FOXN3: variants seen among roughly 807,000 people sequenced by gnomAD.
FOXN3 encodes forkhead box protein N3.
Under a neutral mutation model 38.4 loss-of-function variants are expected in FOXN3, and 7 were observed. That is an observed-to-expected ratio of 0.18 (90% CI 0.10 to 0.34). The LOEUF (loss-of-function observed/expected upper bound fraction) is 0.34. Among genes scored for constraint, FOXN3 ranks in the 10% least tolerant of loss-of-function variants. The probability of loss-of-function intolerance (pLI) is 1.00; values close to 1 mark genes in which losing one functional copy is unlikely to be tolerated. For synonymous variants in FOXN3, 230 were observed against 242.2 expected (o/e 0.95, Z 0.47); for missense variants, 456 against 613.4 (o/e 0.74, Z 2.71).
chr14:89,611,962 T>TC (rs1465080163), intron 1 of FOXN3, among the ~76,000 whole-genome samples: 1 of 151,992 alleles, frequency 6.6e-6, no homozygotes, highest in African/African-American at 2.4e-5. Flanking sequence ...TGCTTTTTCT[T>TC]CCCCCCGAAG....
intron 3 of FOXN3, among the ~76,000 whole-genome samples, chr14:89,281,493 C>A (rs1423784346): frequency 6.6e-6 from 1 of 152,118 alleles, no homozygotes; most frequent in African/African-American, 2.4e-5. Flanking sequence ...ATGGAGATGA[C>A]CTTAATCGAT....
intron 2 of FOXN3, among the ~76,000 whole-genome samples, chr14:89,396,379 G>A (rs1262521406): frequency 2.0e-5 from 3 of 152,196 alleles, no homozygotes; most frequent in Non-Finnish European, 4.4e-5. Context: ...AAGGCTTTCG[G>A]CACAGATCTG....
chr14:89,506,043 G>A (rs1893920444), intron 1 of FOXN3, among the ~76,000 whole-genome samples: 1 of 145,748 alleles, frequency 6.9e-6, no homozygotes, highest in Non-Finnish European at 1.5e-5. Flanking sequence ...CCCCCGGCCC[G>A]GCCAGCCGCC....
At chr14:89,262,195 G>A (rs551756355) in intron 4 of FOXN3, among the ~76,000 whole-genome samples, 2 of 152,328 alleles carry the variant, frequency 1.3e-5, no homozygotes, top group South Asian at 4.1e-4. Flanking sequence ...CTGAGAAGGG[G>A]CAGGTTTTAC....
intron 1 of FOXN3, among the ~76,000 whole-genome samples, chr14:89,551,411 C>G (rs1045760646): frequency 1.3e-5 from 2 of 151,558 alleles, no homozygotes; most frequent in African/African-American, 4.9e-5. Flanking sequence ...CAACCCGTCC[C>G]TGGTCCAACC....
At chr14:89,350,127 CA>C (rs1194735932) in intron 3 of FOXN3, among the ~76,000 whole-genome samples, 1 of 152,154 alleles carries the variant, frequency 6.6e-6, no homozygotes, top group African/African-American at 2.4e-5. Flanking sequence ...CTTACTGTCT[CA>C]AACAAATGGG....
At chr14:89,328,944 G>A (rs1461887672) in intron 3 of FOXN3, among the ~76,000 whole-genome samples, 1 of 152,222 alleles carries the variant, frequency 6.6e-6, no homozygotes, top group African/African-American at 2.4e-5. Context: ...GGCACAGAAG[G>A]AAAAGAGGAC....
intron 2 of FOXN3, among the ~76,000 whole-genome samples, chr14:89,387,665 G>A (rs371330788): frequency 6.6e-6 from 1 of 152,218 alleles, no homozygotes; most frequent in Non-Finnish European, 1.5e-5. Context: ...GGGCCAGAGA[G>A]AGAGAGAGAT....
chr14:89,533,661 C>CAAAAAAAAA (rs34194637), intron 1 of FOXN3, among the ~76,000 whole-genome samples: 1 of 65,916 alleles, frequency 1.5e-5, no homozygotes, highest in Non-Finnish European at 2.6e-5. Flanking sequence ...GACTCTGTCT[C>CAAAAAAAAA]AAAAAAAAAA....
rs1481741079 is a variant in FOXN3, at chr14:89,158,375, G to C, written c.*4039C>G. The C allele has an allele frequency of 6.6e-6, 1 of 152,358 alleles. No homozygotes were observed. The highest frequency in any genetic ancestry group is 1.5e-5 in the Non-Finnish European group (1 of 68,052). 9.4% of individuals were successfully genotyped at this position (152,358 alleles called of 1,614,324 possible). On this transcript the variant is annotated 3_prime_UTR_variant, in exon 6 of 6. Coordinates refer to ENST00000557258, the MANE Select transcript of FOXN3 (RefSeq NM_005197.4). ...TAACTGCTGTGGCCAGCAAGCACTA[G>C]ACACATTGAATGCCTCTGCAAAACA...
At position 89,218,867 on chromosome 14, in the gene FOXN3, G is replaced by A. The variant is rs190770854; in HGVS notation, c.746-38061C>T. 7.9e-5 allele frequency among the ~76,000 whole-genome samples: 12 copies of A among 152,180 alleles called. No homozygotes were observed. In the East Asian group the frequency reaches 2.3e-3, roughly 29 times the overall value. ...ACCCTACTTCTATTGTACGTTTTGTGGCATTAGGAACCAACGTAGGAAGCC... is the reference window on the plus strand; with the variant it reads ...ACCCTACTTCTATTGTACGTTTTGTAGCATTAGGAACCAACGTAGGAAGCC... On this transcript the variant is annotated intron_variant, in intron 4 of 5. Transcript: ENST00000557258.
rs528919503 is a variant in FOXN3, at chr14:89,437,861, G to A, written c.-14-25371C>T. On this transcript the variant is annotated intron_variant, in intron 1 of 6. Coordinates refer to the FOXN3 transcript ENST00000345097. ...AAGATCCAAGGACCCTCTCTTGGGG[G>A]TCAGGACTAGAACCCTTTATCTGCA... 2.8e-3 allele frequency among the ~76,000 whole-genome samples: 430 copies of A among 152,246 alleles called. 1 individual carries two copies. Among genetic ancestry groups the A allele is most frequent in the Non-Finnish European group, 5.2e-3 (351 of 68,018 alleles).
chr14:89,322,777 G>A (rs1887932332), intron 3 of FOXN3, among the ~76,000 whole-genome samples: 1 of 152,078 alleles, frequency 6.6e-6, no homozygotes, highest in South Asian at 2.1e-4. Flanking sequence ...CCAAGTGGGA[G>A]TCAATGGCAG....
chr14:89,587,108 C>T (rs1347381383), intron 1 of FOXN3, among the ~76,000 whole-genome samples: 4 of 152,250 alleles, frequency 2.6e-5, no homozygotes, highest in East Asian at 3.8e-4. Flanking sequence ...AGTTCAAGTC[C>T]AGAGGCCGTG....
At chr14:89,233,983 C>T (rs1005434746) in intron 4 of FOXN3, among the ~76,000 whole-genome samples, 4 of 152,208 alleles carry the variant, frequency 2.6e-5, no homozygotes, top group African/African-American at 9.7e-5. Flanking sequence ...CTCCCCTCAC[C>T]AGGTCACTCT....
chr14:89,190,918 G>A (rs1887924928), intron 4 of FOXN3, among the ~76,000 whole-genome samples: 1 of 152,160 alleles, frequency 6.6e-6, no homozygotes, highest in Non-Finnish European at 1.5e-5. Flanking sequence ...CCATTTGTCA[G>A]CAGAATGTAA....
At chr14:89,555,884 G>GGGGGGGGGT (rs1895112741) in intron 1 of FOXN3, among the ~76,000 whole-genome samples, 1 of 90,186 alleles carries the variant, frequency 1.1e-5, no homozygotes, top group Non-Finnish European at 2.5e-5. Context: ...TGTATGTGGG[G>GGGGGGGGGT]GTGTATGTGG....
chr14:89,584,041 G>T (rs926308534), intron 1 of FOXN3, among the ~76,000 whole-genome samples: 2 of 151,248 alleles, frequency 1.3e-5, no homozygotes, highest in African/African-American at 4.9e-5. Flanking sequence ...TGTATTTTCA[G>T]TAGAGATGGG....
intron 1 of FOXN3, among the ~76,000 whole-genome samples, chr14:89,545,959 G>A (rs1360074702): frequency 6.6e-6 from 1 of 152,168 alleles, no homozygotes. Flanking sequence ...CTAGGTATAT[G>A]TGCCCCACGT....
Sources: allele counts gnomAD v4.1 joint callset (sites outside exome capture counted in the v4.1 genomes callset), GRCh38; gene constraint gnomAD v4.1.1; transcripts MANE v1.5; gene names NCBI Gene and HGNC (gene_info 2026-07-23, HGNC 2026-07-21).